Variants in DEPTOR observed in about 807,000 individuals in gnomAD.
DEPTOR encodes DEP domain-containing mTOR-interacting protein.
DEPTOR carries 41 observed loss-of-function variants against 41.6 expected under a neutral mutation model. The observed-to-expected ratio is 0.98, with a 90% CI of 0.77 to 1.28. The LOEUF is 1.28. Among genes scored for constraint, DEPTOR ranks in the 50% most tolerant of loss-of-function variants. The pLI is 0.00. For synonymous variants in DEPTOR, 195 were observed against 192.3 expected (o/e 1.01, Z -0.12); for missense variants, 514 against 527.9 (o/e 0.97, Z 0.26).
intron 8 of DEPTOR, among the ~76,000 whole-genome samples, chr8:120,039,946 C>A (rs972923132): frequency 6.6e-6 from 1 of 152,130 alleles, no homozygotes; most frequent in Non-Finnish European, 1.5e-5. Context: ...TCGGTTCAAG[C>A]AATTCTCGTG....
chr8:119,971,978 T>G (rs1279158434), intron 4 of DEPTOR, among the ~76,000 whole-genome samples: 1 of 152,208 alleles, frequency 6.6e-6, no homozygotes, highest in Non-Finnish European at 1.5e-5. Context: ...GGCAAGGTCC[T>G]TATCAGTTAG....
chr8:120,034,888 T>C (rs1812955468), intron 8 of DEPTOR, among the ~76,000 whole-genome samples: 1 of 152,242 alleles, frequency 6.6e-6, no homozygotes, highest in East Asian at 1.9e-4. Flanking sequence ...GATAAACATT[T>C]ATTAAAGCCA....
intron 4 of DEPTOR, among the ~76,000 whole-genome samples, chr8:119,966,331 T>C (rs1828561125): frequency 6.6e-6 from 1 of 152,144 alleles, no homozygotes; most frequent in African/African-American, 2.4e-5. Flanking sequence ...CTGGGTGTTG[T>C]GGTGCACGTC....
intron 4 of DEPTOR, among the ~76,000 whole-genome samples, chr8:119,982,598 G>T (rs1310331177): frequency 3.3e-5 from 5 of 152,154 alleles, no homozygotes; most frequent in Admixed American, 2.6e-4. Flanking sequence ...TAAGCAGTGA[G>T]GTTTCTCTGC....
rs35570467 is a variant in DEPTOR at position 120,008,527 on chromosome 8, C to CAAAAAAAAAAAA, written c.997-495_997-484dup. Among the ~76,000 whole-genome samples the CAAAAAAAAAAAA allele has an allele frequency of 7.0e-5, 7 of 99,704 alleles. 1 individual carries two copies. Among genetic ancestry groups the CAAAAAAAAAAAA allele is most frequent in the Non-Finnish European group, 1.3e-4 (7 of 52,300 alleles). The allele number at this position is 99,704 out of a possible 152,430, so 65.4% of individuals were successfully genotyped here. Reference sequence around the variant, plus strand: ...TGGGTGACAGAGCAAGACTCTGTCTCAAAAAAAAAAAAAAAAAAGCCAGGT... The same window carrying CAAAAAAAAAAAA: ...TGGGTGACAGAGCAAGACTCTGTCTCAAAAAAAAAAAAAAAAAAAAAAAAAAAAAAGCCAGGT... On this transcript the variant is annotated intron_variant, in intron 7 of 8. Coordinates refer to ENST00000286234, the MANE Select transcript of DEPTOR (RefSeq NM_022783.4).
chr8:119,897,147 A>G (rs1297231287), intron 1 of DEPTOR, among the ~76,000 whole-genome samples: 3 of 152,186 alleles, frequency 2.0e-5, no homozygotes, highest in Admixed American at 2.0e-4. Context: ...AGTTTCTATG[A>G]CATGAAACTC....
chr8:119,903,167 C>T (rs1330050285), intron 1 of DEPTOR, among the ~76,000 whole-genome samples: 5 of 152,120 alleles, frequency 3.3e-5, no homozygotes, highest in Admixed American at 3.3e-4. Flanking sequence ...GGTGCGATCT[C>T]AGCTCACTGC....
At chr8:119,915,784 G>A (rs1224988195) in intron 1 of DEPTOR, among the ~76,000 whole-genome samples, 22 of 151,968 alleles carry the variant, frequency 1.4e-4, no homozygotes, top group Non-Finnish European at 1.9e-4. Context: ...AGCAAACCTC[G>A]CAGTAGGGAG....
At chr8:120,047,599 C>CTGATCCACCTCAAG (rs1219364504) in intron 8 of DEPTOR, among the ~76,000 whole-genome samples, 2 of 151,798 alleles carry the variant, frequency 1.3e-5, no homozygotes, top group African/African-American at 4.8e-5. Flanking sequence ...ACCCGCCAGG[C>CTGATCCACCTCAAG]TGATCCACCT....
chr8:119,923,478 G>C (rs2129830123), intron 1 of DEPTOR, among the ~76,000 whole-genome samples: 1 of 152,228 alleles, frequency 6.6e-6, no homozygotes, highest in Non-Finnish European at 1.5e-5. Context: ...CTGAGGTCAA[G>C]TTATCCTCCC....
chr8:119,952,647 T>C (rs1404714034), intron 3 of DEPTOR, among the ~76,000 whole-genome samples: 1 of 152,198 alleles, frequency 6.6e-6, no homozygotes, highest in Non-Finnish European at 1.5e-5. Context: ...CATTGTTCAG[T>C]TCCCACTGAT....
intron 1 of DEPTOR, among the ~76,000 whole-genome samples, chr8:119,920,990 T>TGTTTG (rs3029121): frequency 6.7e-6 from 1 of 148,564 alleles, no homozygotes; most frequent in Non-Finnish European, 1.5e-5. Flanking sequence ...GTTTTTTTTT[T>TGTTTG]TTTTGAGACA....
intron 1 of DEPTOR, among the ~76,000 whole-genome samples, chr8:119,894,267 T>C (rs10102102): frequency 0.069 from 10,523 of 152,020 alleles, 644 homozygotes; most frequent in South Asian, 0.17. Flanking sequence ...GGTCTCACTA[T>C]GTTGTCCAGG....
chr8:119,910,546 G>A (rs916243905), intron 1 of DEPTOR, among the ~76,000 whole-genome samples: 2 of 151,606 alleles, frequency 1.3e-5, no homozygotes, highest in Non-Finnish European at 2.9e-5. Context: ...TCCGCCTCCC[G>A]GTTTCAAACA....
chr8:120,022,464 A>G (rs1314330111), intron 8 of DEPTOR, among the ~76,000 whole-genome samples: 2 of 151,984 alleles, frequency 1.3e-5, no homozygotes, highest in Non-Finnish European at 2.9e-5. Flanking sequence ...ATGGGTTTTT[A>G]CTCTGCCTTT....
intron 1 of DEPTOR, among the ~76,000 whole-genome samples, chr8:119,897,549 A>C (rs1228934102): frequency 6.6e-6 from 1 of 152,164 alleles, no homozygotes; most frequent in Non-Finnish European, 1.5e-5. Context: ...ATAATTCAAA[A>C]AATTATTTGG....
intron 4 of DEPTOR, among the ~76,000 whole-genome samples, chr8:119,990,237 A>C (rs1812130792): frequency 6.6e-6 from 1 of 152,150 alleles, no homozygotes; most frequent in African/African-American, 2.4e-5. Flanking sequence ...TGCTCACTGC[A>C]AGCTCCGCCT....
At chr8:119,959,158 CTTTTTTT>C (rs60202859) in intron 3 of DEPTOR, among the ~76,000 whole-genome samples, 21 of 114,846 alleles carry the variant, frequency 1.8e-4, no homozygotes, top group South Asian at 3.1e-4. Context: ...TTCTTTCTTT[CTTTTTTT>C]TTTTTTTTTT....
At chr8:119,915,031 A>G (rs540771380) in intron 1 of DEPTOR, among the ~76,000 whole-genome samples, 6 of 152,184 alleles carry the variant, frequency 3.9e-5, no homozygotes, top group African/African-American at 1.4e-4. Flanking sequence ...CAGTGGCACA[A>G]TCTCAGCTCA....
Sources: allele counts gnomAD v4.1 joint callset (sites outside exome capture counted in the v4.1 genomes callset), GRCh38; gene constraint gnomAD v4.1.1; transcripts MANE v1.5; gene names NCBI Gene and HGNC (gene_info 2026-07-23, HGNC 2026-07-21).